The following LRP1B variants were observed in gnomAD, a reference collection of about 807,000 sequenced individuals.
LRP1B encodes the protein LDL receptor related protein 1B, also known as low-density lipoprotein receptor-related protein 1B.
Under a neutral mutation model 556.6 loss-of-function variants are expected in LRP1B, and 217 were observed. The ratio of observed to expected loss-of-function variants is 0.39; its 90% CI spans 0.35 to 0.44. LRP1B has a LOEUF of 0.44. LRP1B is among the 20% of genes least tolerant of loss of function. The probability of loss-of-function intolerance (pLI) is 1.00; values close to 1 mark genes in which losing one functional copy is unlikely to be tolerated. For synonymous variants in LRP1B, 2,047 were observed against 1,865.8 expected, an observed-to-expected ratio of 1.10 and a Z score of -2.50; for missense variants, 5,053 against 5,620.8, an observed-to-expected ratio of 0.90 and a Z score of 3.23.
chr2:141,456,734 G>A (rs76493608), intron 3 of LRP1B, among the ~76,000 whole-genome samples: 1,958 of 152,282 alleles, frequency 0.013, 40 homozygotes, highest in African/African-American at 0.045. Flanking sequence ...GCATTTTTCT[G>A]GTGGATGGGA....
In LRP1B at chr2:140,950,291, C is replaced by A. The variant is rs772360984; in HGVS notation, c.3080G>T (p.Gly1027Val). Residue 1027 changes from glycine (G) to valine (V), a missense_variant, in exon 20 of 91, where the codon GGT becomes GTT. Coordinates refer to ENST00000389484, the MANE Select transcript of LRP1B (RefSeq NM_018557.3). Reference protein sequence around the residue: ...RCIPGHWACDGDNDCGDFSDE... With the variant: ...RCIPGHWACDVDNDCGDFSDE... Reference sequence around the variant, plus strand: ...ACTGAAGTCCCCACAGTCATTGTCACCATCACAGGCCCAGTGGCCTGGGAT... The same window carrying A: ...ACTGAAGTCCCCACAGTCATTGTCAACATCACAGGCCCAGTGGCCTGGGAT... The A allele has an allele frequency of 1.2e-6, 2 of 1,612,874 alleles. No individual in the cohort carries two copies. Among genetic ancestry groups the A allele is most frequent in the Non-Finnish European group, 1.7e-6 (2 of 1,179,398 alleles).
In LRP1B at chr2:140,542,042, C is replaced by T. The variant is rs897407153; in HGVS notation, c.7195-71G>A. 15 of 1,012,346 alleles carry T rather than the reference C, an allele frequency of 1.5e-5. No homozygotes were observed. The African/African-American group carries it at 2.0e-4, about 13-fold the overall frequency. 62.7% of individuals were successfully genotyped at this position (1,012,346 alleles called of 1,614,324 possible). A position where few individuals can be genotyped will look rare whatever the true frequency, so the allele number is the denominator to read the frequency against. The stretch of plus-strand genomic sequence containing the variant: ...ATTTATACGTCCACACCTATTTTTG[C>T]TTCAAAAATAAAAGATTAGGATTAG... On this transcript the variant is annotated intron_variant, in intron 43 of 90. Transcript: ENST00000389484.
intron 2 of LRP1B, among the ~76,000 whole-genome samples, chr2:141,665,376 G>A (rs904886411): frequency 1.3e-5 from 2 of 152,146 alleles, no homozygotes; most frequent in African/African-American, 2.4e-5. Flanking sequence ...AAACCACAAT[G>A]AGATCCCATC....
At chr2:141,804,846 G>A (rs1204928173) in intron 2 of LRP1B, among the ~76,000 whole-genome samples, 1 of 152,012 alleles carries the variant, frequency 6.6e-6, no homozygotes, top group Non-Finnish European at 1.5e-5. Context: ...TAAATTAGTT[G>A]TCCAAGAGCA....
chr2:141,314,820 A>ATG, intron 3 of LRP1B, among the ~76,000 whole-genome samples: 1 of 134,448 alleles, frequency 7.4e-6, no homozygotes, highest in Non-Finnish European at 1.6e-5. Context: ...TTATATATAT[A>ATG]TATATATGTG....
intron 7 of LRP1B, among the ~76,000 whole-genome samples, chr2:141,133,905 A>G (rs899762174): frequency 2.0e-5 from 3 of 151,780 alleles, no homozygotes; most frequent in African/African-American, 4.8e-5. Context: ...CTACTGATCA[A>G]CTCCACCTAG....
intron 32 of LRP1B, among the ~76,000 whole-genome samples, chr2:140,809,952 C>T (rs1690859858): frequency 6.6e-6 from 1 of 152,174 alleles, no homozygotes; most frequent in East Asian, 1.9e-4. Context: ...CATATCATCA[C>T]TTCCGCCTTA....
At chr2:142,083,615 T>C (rs1000781343) in intron 1 of LRP1B, among the ~76,000 whole-genome samples, 3 of 152,252 alleles carry the variant, frequency 2.0e-5, no homozygotes, top group African/African-American at 7.2e-5. Context: ...AGTATATATT[T>C]AGTTCTTCTA....
intron 1 of LRP1B, among the ~76,000 whole-genome samples, chr2:142,008,998 T>A (rs1420777481): frequency 6.6e-6 from 1 of 152,072 alleles, no homozygotes; most frequent in Non-Finnish European, 1.5e-5. Context: ...AACCATGCAC[T>A]GAAGGATTAA....
At chr2:140,892,052 T>C (rs550842343) in intron 23 of LRP1B, among the ~76,000 whole-genome samples, 2 of 152,256 alleles carry the variant, frequency 1.3e-5, no homozygotes, top group East Asian at 1.9e-4. Flanking sequence ...CAACAAAACC[T>C]GCATTTCTAG....
At chr2:141,527,868 A>G (rs1684742086) in intron 2 of LRP1B, among the ~76,000 whole-genome samples, 1 of 152,072 alleles carries the variant, frequency 6.6e-6, no homozygotes, top group Non-Finnish European at 1.5e-5. Context: ...AGTTAATCCA[A>G]TCTTGATGAC....
intron 3 of LRP1B, among the ~76,000 whole-genome samples, chr2:141,409,196 C>T (rs1487214048): frequency 1.3e-5 from 2 of 152,120 alleles, no homozygotes; most frequent in African/African-American, 2.4e-5. Flanking sequence ...AGTCTTGACA[C>T]ACGTTAAGTT....
At chr2:141,746,273 G>A (rs957143244) in intron 2 of LRP1B, among the ~76,000 whole-genome samples, 1 of 152,110 alleles carries the variant, frequency 6.6e-6, no homozygotes, top group Non-Finnish European at 1.5e-5. Context: ...TTAAGGTCTT[G>A]GAGCAATTTA....
intron 7 of LRP1B, among the ~76,000 whole-genome samples, chr2:141,073,913 C>T (rs940285254): frequency 6.6e-6 from 1 of 152,022 alleles, no homozygotes; most frequent in Non-Finnish European, 1.5e-5. Flanking sequence ...TGTTACTTGG[C>T]AATTTACACT....
intron 7 of LRP1B, among the ~76,000 whole-genome samples, chr2:141,121,110 G>C (rs112105975): frequency 6.6e-6 from 1 of 151,976 alleles, no homozygotes; most frequent in Admixed American, 6.6e-5. Context: ...TGCGACACTG[G>C]CAAGTAATTA....
intron 1 of LRP1B, among the ~76,000 whole-genome samples, chr2:142,071,968 A>G (rs936335128): frequency 2.0e-5 from 3 of 152,098 alleles, no homozygotes; most frequent in African/African-American, 7.2e-5. Context: ...GAAAAGCACC[A>G]TAGTCTGCTC....
chr2:141,410,242 T>C (rs970652019), intron 3 of LRP1B, among the ~76,000 whole-genome samples: 1 of 152,066 alleles, frequency 6.6e-6, no homozygotes, highest in Non-Finnish European at 1.5e-5. Context: ...ATCCCCATTG[T>C]AGGGCACAAT....
chr2:140,368,465 C>T (rs892640527), intron 71 of LRP1B, among the ~76,000 whole-genome samples: 1 of 151,702 alleles, frequency 6.6e-6, no homozygotes, highest in East Asian at 1.9e-4. Context: ...AAAGAGAACC[C>T]CCCAATCTTT....
At chr2:140,602,487 G>A (rs996793639) in intron 41 of LRP1B, among the ~76,000 whole-genome samples, 10 of 151,988 alleles carry the variant, frequency 6.6e-5, no homozygotes, top group African/African-American at 2.4e-4. Context: ...TTCTGAGCAT[G>A]TTTAATTTAA....
Sources: allele counts gnomAD v4.1 joint callset (sites outside exome capture counted in the v4.1 genomes callset), GRCh38; gene constraint gnomAD v4.1.1; transcripts MANE v1.5; gene names NCBI Gene and HGNC (gene_info 2026-07-23, HGNC 2026-07-21).